PCLO: variants seen among roughly 807,000 people sequenced by gnomAD.
PCLO encodes piccolo presynaptic cytomatrix protein.
Under a neutral mutation model 427.5 loss-of-function variants are expected in PCLO, and 82 were observed. The ratio of observed to expected loss-of-function variants is 0.19; its 90% CI spans 0.16 to 0.23. PCLO has a LOEUF of 0.23. PCLO is among the 10% of genes least tolerant of loss of function. The probability of loss-of-function intolerance (pLI) is 1.00; values close to 1 mark genes in which losing one functional copy is unlikely to be tolerated. For synonymous variants in PCLO, 2,357 were observed against 2,155.4 expected (o/e 1.09, Z -2.59); for missense variants, 6,239 against 6,115.9 (o/e 1.02, Z -0.67).
At chr7:83,119,787 C>A (rs1791227066) in intron 3 of PCLO, among the ~76,000 whole-genome samples, 3 of 142,074 alleles carry the variant, frequency 2.1e-5, no homozygotes, top group Admixed American at 7.1e-5. Flanking sequence ...TAACAAAATT[C>A]AAGATAACAC....
At chr7:82,802,441 A>G (rs958441272) in intron 21 of PCLO, among the ~76,000 whole-genome samples, 5 of 152,184 alleles carry the variant, frequency 3.3e-5, no homozygotes, top group African/African-American at 1.2e-4. Flanking sequence ...AACTAGATGA[A>G]GAATTCAGGA....
At chr7:83,001,188 T>C (rs1787814861) in intron 3 of PCLO, among the ~76,000 whole-genome samples, 2 of 151,994 alleles carry the variant, frequency 1.3e-5, no homozygotes, top group African/African-American at 4.8e-5. Flanking sequence ...TAATGTTTTG[T>C]GAATTTTAAA....
rs560561200 is a variant in PCLO, at chr7:82,760,540, T to A, written c.15288+99A>T. 1.2e-4 allele frequency: 82 copies of A among 698,764 alleles called. No individual in the cohort carries two copies. The South Asian group carries it at 2.6e-3, about 22-fold the overall frequency. The allele number at this position is 698,764 out of a possible 1,614,324, so 43.3% of individuals were successfully genotyped here. ...AAATTAATTAACTTCTCAAATGTCA[T>A]ATAGTGTATGATCAGTATATAAATA... On this transcript the variant is annotated intron_variant, in intron 24 of 24. Coordinates refer to ENST00000333891, the MANE Select transcript of PCLO (RefSeq NM_033026.6).
chr7:82,847,021 T>C, intron 11 of PCLO, 118 bp downstream of exon 11: 2 of 618,214 alleles, frequency 3.2e-6, no homozygotes, highest in Non-Finnish European at 5.7e-6. Context: ...TTTGATTCAC[T>C]TTATTTTATA....
intron 3 of PCLO, among the ~76,000 whole-genome samples, chr7:83,085,207 A>G (rs553852566): frequency 6.6e-6 from 1 of 152,240 alleles, no homozygotes; most frequent in African/African-American, 2.4e-5. Flanking sequence ...AATGTGTGCC[A>G]TTTCAGGAGA....
chr7:82,952,611 G>C lies in PCLO; in HGVS notation c.8342C>G (p.Thr2781Arg). 1 of 1,613,854 alleles carries C rather than the reference G, an allele frequency of 6.2e-7. No individual in the cohort carries two copies. Among genetic ancestry groups the C allele is most frequent in the Non-Finnish European group, 8.5e-7 (1 of 1,179,772 alleles). Residue 2781 changes from threonine (T) to arginine (R), a missense_variant, in exon 5 of 25, where the codon ACA (threonine) becomes AGA (arginine). Physicochemically the swap from Thr to Arg is moderately conservative, Grantham distance 71. This residue lies in a region of PCLO where 4,677 missense variants were observed against 4,468.4 expected (regional missense o/e 1.05). Coordinates refer to ENST00000333891, the MANE Select transcript of PCLO (RefSeq NM_033026.6). Reference protein sequence around the residue: ...VQPSIINLSVTSSIVTPVSLA... With the variant: ...VQPSIINLSVRSSIVTPVSLA... ...AGATACAGGAGTCACTATTGATGATGTCACACTAAGATTTATAATAGAGGG... is the reference window on the plus strand; with the variant it reads ...AGATACAGGAGTCACTATTGATGATCTCACACTAAGATTTATAATAGAGGG...
chr7:83,086,333 T>C (rs942260967), intron 3 of PCLO, among the ~76,000 whole-genome samples: 1 of 152,152 alleles, frequency 6.6e-6, no homozygotes, highest in Non-Finnish European at 1.5e-5. Context: ...GGTCTTGAAC[T>C]CCTGACCTCA....
intron 3 of PCLO, among the ~76,000 whole-genome samples, chr7:83,057,583 G>C (rs1241504802): frequency 6.7e-6 from 1 of 149,772 alleles, no homozygotes; most frequent in African/African-American, 2.5e-5. Context: ...GGATGGTCTC[G>C]ATCTCCTGAC....
intron 3 of PCLO, among the ~76,000 whole-genome samples, chr7:83,094,030 C>T (rs11543830): frequency 0.44 from 66,352 of 150,742 alleles, 14,949 homozygotes; most frequent in East Asian, 0.7. Flanking sequence ...CAATGACCCT[C>T]GTGCTGTTTT....
chr7:82,769,498 T>C (rs890434037), intron 22 of PCLO, among the ~76,000 whole-genome samples: 11 of 152,106 alleles, frequency 7.2e-5, no homozygotes, highest in African/African-American at 1.2e-4. Flanking sequence ...ATAAAGTGAG[T>C]TTACTGTCTC....
Position 82,949,911 on chromosome 7 carries a change from A to G in PCLO, c.10677T>C (p.Thr3559=). The G allele has an allele frequency of 6.2e-7, 1 of 1,613,640 alleles. No individual in the cohort carries two copies. ...GACATCCTAAACTGCCCCCTTTGTA[A>G]GTCTTTTCAGGTGCTGAAATGTGTT... is the stretch of plus-strand genomic sequence containing the variant. ...IIKHISAPEK[T]YKGGSLGCQT... Residue 3559 remains threonine, a synonymous_variant, in exon 6 of 25, where the codon ACT becomes ACC. Coordinates refer to ENST00000333891, the MANE Select transcript of PCLO (RefSeq NM_033026.6).
intron 3 of PCLO, among the ~76,000 whole-genome samples, chr7:83,100,037 T>C (rs1790697761): frequency 6.6e-6 from 1 of 152,194 alleles, no homozygotes. Context: ...TCTGATATTC[T>C]AGAGATACAC....
intron 20 of PCLO, among the ~76,000 whole-genome samples, chr7:82,806,334 CTGTT>C (rs1301244410): frequency 6.6e-6 from 1 of 151,976 alleles, no homozygotes; most frequent in African/African-American, 2.4e-5. Flanking sequence ...ATTGAAAATT[CTGTT>C]TGTTTGTATG....
intron 20 of PCLO, among the ~76,000 whole-genome samples, chr7:82,811,057 C>T (rs1791558502): frequency 2.0e-5 from 3 of 151,612 alleles, no homozygotes; most frequent in Admixed American, 6.6e-5. Context: ...GAGCTATTTC[C>T]AAATATTCTG....
rs1356917619 is a variant in PCLO at position 83,059,354 on chromosome 7, T to TAA, written c.3300+74894_3300+74895dup. 2.1e-3 allele frequency among the ~76,000 whole-genome samples: 191 copies of TAA among 90,372 alleles called. 1 individual carries two copies. The highest frequency in any genetic ancestry group is 6.4e-3 in the African/African-American group (150 of 23,508). 59.3% of individuals were successfully genotyped at this position (90,372 alleles called of 152,430 possible). On this transcript the variant is annotated intron_variant, in intron 3 of 24. Transcript: ENST00000333891. The stretch of plus-strand genomic sequence containing the variant: ...AATATATATTTTATATATACACCTT[T>TAA]AAAATATATATATATATATATATAT...
intron 6 of PCLO, among the ~76,000 whole-genome samples, chr7:82,929,073 GA>G (rs938692706): frequency 2.0e-5 from 3 of 152,102 alleles, no homozygotes; most frequent in African/African-American, 7.2e-5. Flanking sequence ...GGCATAGTAA[GA>G]AACAGTCTAA....
intron 10 of PCLO, among the ~76,000 whole-genome samples, chr7:82,850,922 C>A (rs951702100): frequency 6.6e-6 from 1 of 151,982 alleles, no homozygotes; most frequent in Non-Finnish European, 1.5e-5. Flanking sequence ...ATGAAGAAAA[C>A]CCCAGATTCA....
At chr7:82,968,359 T>C (rs1294970460) in intron 3 of PCLO, among the ~76,000 whole-genome samples, 6 of 152,114 alleles carry the variant, frequency 3.9e-5, no homozygotes, top group Non-Finnish European at 7.4e-5. Context: ...ATTTGATTCA[T>C]TATGTCAAAT....
At chr7:82,978,536 T>C (rs1333021081) in intron 3 of PCLO, among the ~76,000 whole-genome samples, 1 of 152,052 alleles carries the variant, frequency 6.6e-6, no homozygotes, top group Non-Finnish European at 1.5e-5. Flanking sequence ...CTATATATAA[T>C]TTTTGCTCTT....
Sources: allele counts gnomAD v4.1 joint callset (sites outside exome capture counted in the v4.1 genomes callset), GRCh38; gene constraint gnomAD v4.1.1; regional missense constraint gnomAD v4.1.1; transcripts MANE v1.5; gene names NCBI Gene and HGNC (gene_info 2026-07-23, HGNC 2026-07-21).